DIPK1A: variants seen among roughly 807,000 people sequenced by gnomAD.
The protein encoded by DIPK1A is family with sequence similarity 69 member A.
Under a neutral mutation model 40.8 loss-of-function variants are expected in DIPK1A, and 27 were observed. The observed-to-expected ratio is 0.66, with a 90% CI of 0.49 to 0.91. The LOEUF is 0.91. Ranked by LOEUF, DIPK1A falls within the 40% of genes least tolerant of loss-of-function variation. DIPK1A has a pLI of 0.00. For synonymous variants in DIPK1A, 166 were observed against 171.3 expected, an observed-to-expected ratio of 0.97 and a Z score of 0.24; for missense variants, 412 against 505.7, an observed-to-expected ratio of 0.81 and a Z score of 1.78.
chr1:92,904,801 T>C (rs895525411), intron 1 of DIPK1A, among the ~76,000 whole-genome samples: 2 of 152,066 alleles, frequency 1.3e-5, no homozygotes, highest in Non-Finnish European at 2.9e-5. Context: ...CCACTTCCCG[T>C]CCACCCCACT....
chr1:92,948,789 A>ATG (rs1390676165), intron 1 of DIPK1A, among the ~76,000 whole-genome samples: 6 of 144,460 alleles, frequency 4.2e-5, no homozygotes, highest in South Asian at 4.2e-4. Context: ...ATATATATAT[A>ATG]TGTGTGTGTA....
intron 4 of DIPK1A, among the ~76,000 whole-genome samples, chr1:92,844,968 G>A (rs1449645832): frequency 1.7e-5 from 2 of 120,168 alleles, no homozygotes; most frequent in Non-Finnish European, 3.2e-5. Context: ...TTTTTGAGAC[G>A]GAGTCTCGCT....
rs556030950 is a variant in DIPK1A at position 92,867,461 on chromosome 1, G to A, written c.189+8835C>T. On this transcript the variant is annotated intron_variant, in intron 2 of 4. Coordinates refer to ENST00000370310, the MANE Select transcript of DIPK1A (RefSeq NM_001006605.5). ...GAGGCATGCAGAGAAGAAAGCTATG[G>A]AACACAAGATAGACCACAACTGTTA... is the stretch of plus-strand genomic sequence containing the variant. Among the ~76,000 whole-genome samples, 23 of 152,214 alleles carry A rather than the reference G, an allele frequency of 1.5e-4. No individual in the cohort carries two copies. The South Asian group carries it at 4.3e-3, about 29-fold the overall frequency.
At chr1:92,955,481 G>A (rs1277574789) in intron 1 of DIPK1A, among the ~76,000 whole-genome samples, 11 of 148,470 alleles carry the variant, frequency 7.4e-5, no homozygotes, top group Admixed American at 6.0e-4. Flanking sequence ...GGCAGATCAC[G>A]AGGTCAGGAG....
In DIPK1A at chr1:92,847,368, A is replaced by G. The variant is rs1687676828; in HGVS notation, c.298-9T>C. ...CAAATCCCTAAATACATCTATGTAA[A>G]AAAGAGTGGCAAGTTATGTATTATA... On this transcript the variant is annotated splice_polypyrimidine_tract_variant and intron_variant, in intron 3 of 4. Coordinates refer to ENST00000370310, the MANE Select transcript of DIPK1A (RefSeq NM_001006605.5). 6.3e-6 allele frequency: 10 copies of G among 1,587,706 alleles called. No individual in the cohort carries two copies. The highest frequency in any genetic ancestry group is 3.6e-4 in the Middle Eastern group (2 of 5,504).
chr1:92,961,125 G>C (rs893017978), intron 1 of DIPK1A, among the ~76,000 whole-genome samples: 3 of 151,966 alleles, frequency 2.0e-5, no homozygotes, highest in African/African-American at 7.2e-5. Flanking sequence ...GTACCCGGGC[G>C]GGACGACTCG....
intron 2 of DIPK1A, among the ~76,000 whole-genome samples, chr1:92,864,029 A>G (rs1647413755): frequency 6.6e-6 from 1 of 152,134 alleles, no homozygotes; most frequent in Non-Finnish European, 1.5e-5. Flanking sequence ...GCACTCCAGC[A>G]TGGGTGACAC....
At chr1:92,957,937 A>G (rs575603191) in intron 1 of DIPK1A, among the ~76,000 whole-genome samples, 3 of 152,204 alleles carry the variant, frequency 2.0e-5, no homozygotes, top group South Asian at 4.2e-4. Flanking sequence ...GTCTTTATAG[A>G]TTTGCCCATT....
At chr1:92,850,356 G>T (rs1000291348) in intron 3 of DIPK1A, among the ~76,000 whole-genome samples, 1 of 152,172 alleles carries the variant, frequency 6.6e-6, no homozygotes, top group African/African-American at 2.4e-5. Flanking sequence ...ACAAAACAGT[G>T]TCTGGAATAT....
intron 2 of DIPK1A, among the ~76,000 whole-genome samples, chr1:92,853,683 C>A (rs113842528): frequency 2.6e-5 from 4 of 152,192 alleles, no homozygotes; most frequent in African/African-American, 9.6e-5. Context: ...TTTTACATAG[C>A]TGAACTTTCT....
chr1:92,909,337 C>A (rs1469131480), intron 1 of DIPK1A, among the ~76,000 whole-genome samples: 1 of 151,936 alleles, frequency 6.6e-6, no homozygotes, highest in Non-Finnish European at 1.5e-5. Flanking sequence ...CTATGAGGCA[C>A]AAAGATAAAA....
chr1:92,860,123 C>A (rs902033936), intron 2 of DIPK1A, among the ~76,000 whole-genome samples: 9 of 152,102 alleles, frequency 5.9e-5, no homozygotes, highest in Middle Eastern at 3.2e-3. Context: ...ATATTCCATA[C>A]CTTTTAATGA....
chr1:92,845,630 A>T (rs1406065120), intron 4 of DIPK1A: 2 of 231,946 alleles, frequency 8.6e-6, no homozygotes, highest in Non-Finnish European at 1.7e-5. Flanking sequence ...CCATGAGGTC[A>T]GGAGTTCGAG....
chr1:92,873,215 G>A (rs897472013), intron 2 of DIPK1A, among the ~76,000 whole-genome samples: 1 of 152,184 alleles, frequency 6.6e-6, no homozygotes, highest in African/African-American at 2.4e-5. Context: ...TTGGTTGGAT[G>A]TAGTAGATTT....
chr1:92,955,040 G>C (rs1651794254), intron 1 of DIPK1A, among the ~76,000 whole-genome samples: 10 of 152,206 alleles, frequency 6.6e-5, no homozygotes, highest in Admixed American at 5.2e-4. Context: ...AAAAGCCATA[G>C]AGGAGACGTA....
chr1:92,905,628 C>T (rs1268159783), intron 1 of DIPK1A, among the ~76,000 whole-genome samples: 1 of 151,958 alleles, frequency 6.6e-6, no homozygotes, highest in African/African-American at 2.4e-5. Flanking sequence ...TTTAACTTGA[C>T]GTGATTCCAT....
chr1:92,833,171 A>C, intron 4 of DIPK1A: 1 of 650,790 alleles, frequency 1.5e-6, no homozygotes, highest in Non-Finnish European at 2.8e-6. Flanking sequence ...TTCTCTAAGG[A>C]TTCATTTTTA....
At chr1:92,833,321 G>A in intron 4 of DIPK1A, 1 of 1,271,744 alleles carries the variant, frequency 7.9e-7, no homozygotes, top group East Asian at 2.3e-5. Context: ...TTGTTACATG[G>A]TTAATTTATG....
chr1:92,857,321 T>G (rs1002940158), intron 2 of DIPK1A, among the ~76,000 whole-genome samples: 1 of 140,544 alleles, frequency 7.1e-6, no homozygotes, highest in Non-Finnish European at 1.6e-5. Flanking sequence ...TGTCATATTG[T>G]TTTTTTTTTT....
Sources: gnomAD v4.1 joint callset for allele counts (sites outside exome capture counted in the v4.1 genomes callset) on GRCh38, gnomAD v4.1.1 for gene constraint, MANE v1.5 for transcripts, NCBI Gene and HGNC (gene_info 2026-07-23, HGNC 2026-07-21) for gene names.